The following SNX7 variants were observed in gnomAD, a reference collection of about 807,000 sequenced individuals.
SNX7 encodes the protein sorting nexin-7.
Under a neutral mutation model 48.4 loss-of-function variants are expected in SNX7, and 35 were observed. The ratio of observed to expected loss-of-function variants is 0.72; its 90% CI spans 0.55 to 0.96. SNX7 has a LOEUF of 0.96. Ranked by LOEUF, SNX7 falls within the 40% of genes least tolerant of loss-of-function variation. The probability of loss-of-function intolerance (pLI) is 0.00; values close to 1 mark genes in which losing one functional copy is unlikely to be tolerated. For missense variants in SNX7, 553 were observed against 548.9 expected (o/e 1.01, Z -0.07); for synonymous variants, 190 against 190.2 (o/e 1.00, Z 0.01).
At chr1:98,683,540 C>T (rs1650618080) in intron 1 of SNX7, among the ~76,000 whole-genome samples, 1 of 151,940 alleles carries the variant, frequency 6.6e-6, no homozygotes, top group Non-Finnish European at 1.5e-5. Context: ...GGATTGGTGC[C>T]CTTATAAAGG....
intron 4 of SNX7, 73 bp downstream of exon 4, chr1:98,691,772 G>T (rs1188699606): frequency 5.7e-6 from 7 of 1,230,524 alleles, no homozygotes; most frequent in Non-Finnish European, 7.6e-6. Flanking sequence ...TGTTCCTCTT[G>T]TTTACCGTTA....
At chr1:98,734,578 A>T (rs1228369217) in intron 7 of SNX7, among the ~76,000 whole-genome samples, 1 of 152,190 alleles carries the variant, frequency 6.6e-6, no homozygotes, top group Admixed American at 6.5e-5. Flanking sequence ...TATGCAGATT[A>T]AGTGGAATAA....
intron 8 of SNX7, among the ~76,000 whole-genome samples, chr1:98,740,405 G>C (rs1654012708): frequency 6.6e-6 from 1 of 152,056 alleles, no homozygotes; most frequent in South Asian, 2.1e-4. Context: ...TTTTAATTGA[G>C]ATAATTTATA....
intron 2 of SNX7, among the ~76,000 whole-genome samples, chr1:98,686,681 A>C (rs758416256): frequency 6.6e-6 from 1 of 152,168 alleles, no homozygotes; most frequent in African/African-American, 2.4e-5. Flanking sequence ...CTTCCTTGCT[A>C]TGTGACTTGG....
At chr1:98,685,746 T>C (rs989789085) in intron 2 of SNX7, among the ~76,000 whole-genome samples, 1 of 152,178 alleles carries the variant, frequency 6.6e-6, no homozygotes, top group Non-Finnish European at 1.5e-5. Context: ...AAAAAGTACA[T>C]CTCTTTTTTT....
intron 8 of SNX7, among the ~76,000 whole-genome samples, chr1:98,751,227 C>G (rs11166104): frequency 3.3e-5 from 5 of 151,868 alleles, no homozygotes; most frequent in African/African-American, 1.2e-4. Flanking sequence ...CTTTAGAAAA[C>G]TTGATCACAT....
At chr1:98,676,265 G>A (rs777551947) in intron 1 of SNX7, among the ~76,000 whole-genome samples, 21 of 151,962 alleles carry the variant, frequency 1.4e-4, no homozygotes, top group South Asian at 4.2e-4. Context: ...TCATCTTTAA[G>A]TCACTATGTT....
chr1:98,687,947 A>G (rs1324656293), intron 2 of SNX7, among the ~76,000 whole-genome samples: 4 of 152,180 alleles, frequency 2.6e-5, no homozygotes, highest in Non-Finnish European at 1.5e-5. Flanking sequence ...AACTGCCCCT[A>G]TGATTCAATT....
At chr1:98,728,734 A>G (rs1361897377) in intron 7 of SNX7, among the ~76,000 whole-genome samples, 1 of 152,246 alleles carries the variant, frequency 6.6e-6, no homozygotes, top group Non-Finnish European at 1.5e-5. Context: ...CATTTCAGCA[A>G]GAAGAGCTAA....
chr1:98,667,068 C>G (rs1197000835), intron 1 of SNX7, among the ~76,000 whole-genome samples: 1 of 152,214 alleles, frequency 6.6e-6, no homozygotes, highest in Non-Finnish European at 1.5e-5. Context: ...AGAGACAAGA[C>G]ATTTCTGCTG....
chr1:98,697,759 C>T (rs1308376882), intron 5 of SNX7, among the ~76,000 whole-genome samples: 3 of 152,030 alleles, frequency 2.0e-5, no homozygotes, highest in Admixed American at 6.6e-5. Flanking sequence ...TGGGATAATG[C>T]TTTAATAGAA....
chr1:98,748,174 C>T (rs946832009), intron 8 of SNX7, among the ~76,000 whole-genome samples: 5 of 151,468 alleles, frequency 3.3e-5, no homozygotes, highest in African/African-American at 7.3e-5. Context: ...TTAGTGGAGA[C>T]GAGGGTTCAC....
chr1:98,663,916 A>G (rs1188591960), intron 1 of SNX7, among the ~76,000 whole-genome samples: 1 of 152,204 alleles, frequency 6.6e-6, no homozygotes, highest in East Asian at 1.9e-4. Flanking sequence ...TGAAAATCCA[A>G]CAAGAGTAGT....
At chr1:98,747,618 G>A (rs984819645) in intron 8 of SNX7, among the ~76,000 whole-genome samples, 1 of 152,116 alleles carries the variant, frequency 6.6e-6, no homozygotes, top group Non-Finnish European at 1.5e-5. Context: ...GTTCCTTCTG[G>A]TTTTTACAAG....
chr1:98,687,429 A>C (rs909954857), intron 2 of SNX7, among the ~76,000 whole-genome samples: 1 of 152,082 alleles, frequency 6.6e-6, no homozygotes, highest in African/African-American at 2.4e-5. Context: ...ATATACAGAA[A>C]TATATATTAC....
At chr1:98,723,653 A>G (rs1489912319) in intron 7 of SNX7, among the ~76,000 whole-genome samples, 2 of 152,116 alleles carry the variant, frequency 1.3e-5, no homozygotes, top group South Asian at 2.1e-4. Context: ...CAGGAGTTCA[A>G]TAGCAGCCTG....
intron 7 of SNX7, among the ~76,000 whole-genome samples, chr1:98,736,284 TACCCCTTGATCCTAGATGGAGGC>T (rs1279892855): frequency 3.3e-5 from 5 of 152,156 alleles, no homozygotes; most frequent in Non-Finnish European, 7.4e-5. Flanking sequence ...TTGATGTACG[TACCCCTTGATCCTAGATGGAGGC>T]ATTCTGTTAA....
chr1:98,671,586 G>T (rs1475894044), intron 1 of SNX7, among the ~76,000 whole-genome samples: 7 of 151,918 alleles, frequency 4.6e-5, no homozygotes, highest in African/African-American at 9.7e-5. Context: ...TTGGGTGAAT[G>T]ATTTTTTTAA....
intron 2 of SNX7, among the ~76,000 whole-genome samples, chr1:98,689,400 C>G (rs1650988065): frequency 6.6e-6 from 1 of 152,210 alleles, no homozygotes; most frequent in African/African-American, 2.4e-5. Context: ...GTTGCTTGCA[C>G]TTATCCTCTG....
Sources: gnomAD v4.1 joint callset for allele counts (sites outside exome capture counted in the v4.1 genomes callset) on GRCh38, gnomAD v4.1.1 for gene constraint, MANE v1.5 for transcripts, NCBI Gene and HGNC (gene_info 2026-07-23, HGNC 2026-07-21) for gene names.